Variants in TNKS observed in about 807,000 individuals in gnomAD.
TNKS encodes tankyrase.
TNKS carries 72 observed loss-of-function variants against 135.8 expected under a neutral mutation model. The ratio of observed to expected loss-of-function variants is 0.53; its 90% CI spans 0.44 to 0.64. The LOEUF (loss-of-function observed/expected upper bound fraction) is 0.64. TNKS is among the 30% of genes least tolerant of loss of function. The pLI, the probability that TNKS is intolerant of heterozygous loss-of-function variation, is 0.00. For missense variants in TNKS, 1,769 were observed against 1,674.0 expected (o/e 1.06, Z -0.99); for synonymous variants, 849 against 649.3 (o/e 1.31, Z -4.68).
rs763193679 is a variant in TNKS at position 9,580,118 on chromosome 8, A to G, written c.674-41A>G. On this transcript the variant is annotated intron_variant, in intron 1 of 26. Transcript: ENST00000310430. ...GATATTCTAATGGTTCTTTTTACAA[A>G]ATCAAATATATATACAAGACATTTT... The G allele has an allele frequency of 2.6e-6, 4 of 1,556,958 alleles. 1 individual carries two copies. Among genetic ancestry groups the G allele is most frequent in the Non-Finnish European group, 3.5e-6 (4 of 1,130,350 alleles).
chr8:9,621,646 A>G (rs1378402898), intron 3 of TNKS, among the ~76,000 whole-genome samples: 19 of 152,088 alleles, frequency 1.2e-4, no homozygotes, highest in African/African-American at 3.6e-4. Flanking sequence ...CACGTTAGCT[A>G]TACTATAACC....
chr8:9,584,751 C>G (rs1798303266), intron 2 of TNKS, among the ~76,000 whole-genome samples: 1 of 152,182 alleles, frequency 6.6e-6, no homozygotes, highest in African/African-American at 2.4e-5. Context: ...TACCACACCT[C>G]CATCTCTCCT....
At chr8:9,655,415 T>C (rs1801317218) in intron 3 of TNKS, among the ~76,000 whole-genome samples, 1 of 152,106 alleles carries the variant, frequency 6.6e-6, no homozygotes, top group African/African-American at 2.4e-5. Context: ...AGCACGCAGC[T>C]TGAGATCCGA....
intron 3 of TNKS, among the ~76,000 whole-genome samples, chr8:9,620,305 G>A (rs189596655): frequency 8.2e-4 from 124 of 152,142 alleles, no homozygotes; most frequent in African/African-American, 2.8e-3. Flanking sequence ...CAGGTCTACC[G>A]TACTTTCAAA....
At chr8:9,724,411 G>C (rs1238244367) in intron 12 of TNKS, among the ~76,000 whole-genome samples, 1 of 152,046 alleles carries the variant, frequency 6.6e-6, no homozygotes, top group African/African-American at 2.4e-5. Context: ...AACATAGTGA[G>C]ACCCCATCTC....
At chr8:9,746,990 C>T (rs1353912556) in intron 17 of TNKS, among the ~76,000 whole-genome samples, 2 of 145,686 alleles carry the variant, frequency 1.4e-5, no homozygotes, top group Admixed American at 7.2e-5. Flanking sequence ...TCAAGTGATT[C>T]TCTTGCCTCA....
intron 3 of TNKS, among the ~76,000 whole-genome samples, chr8:9,616,659 T>C (rs903041940): frequency 1.3e-5 from 2 of 152,216 alleles, no homozygotes; most frequent in African/African-American, 4.8e-5. Context: ...TTTTGCTTAA[T>C]TACTCTGCAT....
intron 20 of TNKS, among the ~76,000 whole-genome samples, chr8:9,757,063 G>C (rs919540307): frequency 6.6e-6 from 1 of 152,038 alleles, no homozygotes; most frequent in Admixed American, 6.5e-5. Flanking sequence ...TGCAACCTCC[G>C]CCTCCCAGGT....
intron 17 of TNKS, among the ~76,000 whole-genome samples, chr8:9,739,911 CG>C (rs1805837112): frequency 1.3e-5 from 1 of 76,126 alleles, no homozygotes; most frequent in Non-Finnish European, 2.5e-5. Context: ...GTGGTGAGGT[CG>C]GGGGAGGGGG....
In TNKS at chr8:9,726,677, G is replaced by A. The variant is rs1314641655; in HGVS notation, c.1958G>A (p.Arg653Gln). The part of the protein sequence containing the change: ...TPIRTSDVDY[R>Q]LLEASKAGDL... Reference sequence around the variant, plus strand: ...ATACGTACTTCTGATGTTGATTATCGACTCTTAGAGGCATCTAAAGCTGGA... The same window carrying A: ...ATACGTACTTCTGATGTTGATTATCAACTCTTAGAGGCATCTAAAGCTGGA... The change falls in exon 13 of 27, where the codon CGA becomes CAA. Residue 653 changes from arginine (R) to glutamine (Q), a missense_variant. Coordinates refer to ENST00000310430, the MANE Select transcript of TNKS (RefSeq NM_003747.3). The A allele has an allele frequency of 3.1e-6, 5 of 1,613,046 alleles. No individual in the cohort carries two copies. Among genetic ancestry groups the A allele is most frequent in the Admixed American group, 1.7e-5 (1 of 59,932 alleles).
At position 9,628,135 on chromosome 8, in the gene TNKS, T is replaced by G. The variant is rs537893690; in HGVS notation, c.994+12458T>G. On this transcript the variant is annotated intron_variant, in intron 3 of 26. Transcript: ENST00000310430. ...ATCCATCTGCTCATATGTATTGAAT[T>G]CTGGTAGCTCACATCTTTTACAACA... Among the ~76,000 whole-genome samples, 23 of 150,480 alleles carry G rather than the reference T, an allele frequency of 1.5e-4. No homozygotes were observed. The East Asian group carries it at 4.5e-3, about 30-fold the overall frequency.
At position 9,776,972 on chromosome 8, in the gene TNKS, C is replaced by T; in HGVS notation, c.*236C>T. ...GGGCGGCCTTTTAACATATCTCAGGCTCATTTTCATTGCAATTATCCATTT... is the reference window on the plus strand; with the variant it reads ...GGGCGGCCTTTTAACATATCTCAGGTTCATTTTCATTGCAATTATCCATTT... On this transcript the variant is annotated 3_prime_UTR_variant, in exon 27 of 27. Coordinates refer to ENST00000310430, the MANE Select transcript of TNKS (RefSeq NM_003747.3). 2.1e-6 allele frequency: 1 copy of T among 467,920 alleles called. No individual in the cohort carries two copies. The allele number at this position is 467,920 out of a possible 1,614,324, so 29.0% of individuals were successfully genotyped here. A position where few individuals can be genotyped will look rare whatever the true frequency, so the allele number is the denominator to read the frequency against.
intron 3 of TNKS, among the ~76,000 whole-genome samples, chr8:9,664,688 G>T (rs1801905653): frequency 1.3e-5 from 2 of 152,146 alleles, no homozygotes; most frequent in South Asian, 2.1e-4. Flanking sequence ...TGCATTTAGA[G>T]AACTGAAGAT....
At chr8:9,750,017 C>G (rs1051125785) in intron 18 of TNKS, among the ~76,000 whole-genome samples, 11 of 152,166 alleles carry the variant, frequency 7.2e-5, no homozygotes, top group African/African-American at 2.7e-4. Context: ...GCCAAAAGCT[C>G]CACCCACAAA....
At chr8:9,745,660 C>T (rs914667100) in intron 17 of TNKS, among the ~76,000 whole-genome samples, 11 of 152,148 alleles carry the variant, frequency 7.2e-5, no homozygotes, top group African/African-American at 2.7e-4. Context: ...TGGCCTCGGC[C>T]TCCCAAAGTG....
At chr8:9,570,998 T>C (rs1233891341) in intron 1 of TNKS, among the ~76,000 whole-genome samples, 1 of 152,152 alleles carries the variant, frequency 6.6e-6, no homozygotes, top group African/African-American at 2.4e-5. Flanking sequence ...AAATCAACCA[T>C]TAAAAATGGA....
chr8:9,606,217 A>G (rs909022569), intron 2 of TNKS, among the ~76,000 whole-genome samples: 19 of 145,002 alleles, frequency 1.3e-4, no homozygotes, highest in African/African-American at 3.9e-4. Flanking sequence ...TGAATAGGCT[A>G]TTTTTCCACC....
At chr8:9,685,427 T>A (rs906557050) in intron 5 of TNKS, among the ~76,000 whole-genome samples, 1 of 152,206 alleles carries the variant, frequency 6.6e-6, no homozygotes, top group Non-Finnish European at 1.5e-5. Context: ...TAGTACAGTT[T>A]GTAGCACACA....
At chr8:9,574,185 C>T (rs1797859060) in intron 1 of TNKS, among the ~76,000 whole-genome samples, 1 of 152,126 alleles carries the variant, frequency 6.6e-6, no homozygotes, top group Non-Finnish European at 1.5e-5. Context: ...TATTTTTTCT[C>T]ATGAACTGTT....
Sources: gnomAD v4.1 joint callset for allele counts (sites outside exome capture counted in the v4.1 genomes callset) on GRCh38, gnomAD v4.1.1 for gene constraint, MANE v1.5 for transcripts, NCBI Gene and HGNC (gene_info 2026-07-23, HGNC 2026-07-21) for gene names.